CHN2: variants seen among roughly 807,000 people sequenced by gnomAD.
CHN2 encodes the protein beta-chimaerin.
Under a neutral mutation model 56.3 loss-of-function variants are expected in CHN2, and 35 were observed. The observed-to-expected ratio is 0.62, with a 90% CI of 0.47 to 0.82. The LOEUF (loss-of-function observed/expected upper bound fraction) is 0.82, where lower values mean the gene tolerates loss of function less well. Ranked by LOEUF, CHN2 falls within the 40% of genes least tolerant of loss-of-function variation. The pLI, the probability that CHN2 is intolerant of heterozygous loss-of-function variation, is 0.00. For missense variants in CHN2, 491 were observed against 580.5 expected (o/e 0.85, Z 1.58); for synonymous variants, 210 against 212.8 (o/e 0.99, Z 0.12).
intron 1 of CHN2, among the ~76,000 whole-genome samples, chr7:29,297,963 C>T (rs532838736): frequency 2.6e-5 from 4 of 152,262 alleles, no homozygotes; most frequent in African/African-American, 9.6e-5. Context: ...GCAGGAGTCC[C>T]TAGTTCCCTT....
chr7:29,503,277 G>C (rs1037463502), intron 9 of CHN2, among the ~76,000 whole-genome samples: 2 of 152,208 alleles, frequency 1.3e-5, no homozygotes, highest in African/African-American at 4.8e-5. Context: ...ACCAAGGAAA[G>C]GACGTGTGAG....
At chr7:29,380,135 C>T (rs187185546) in intron 3 of CHN2, among the ~76,000 whole-genome samples, 3 of 152,254 alleles carry the variant, frequency 2.0e-5, no homozygotes, top group Admixed American at 6.5e-5. Flanking sequence ...CTGCAGCTTC[C>T]TTGTCTATAA....
chr7:29,500,151 C>T (rs1789798242), intron 9 of CHN2, 111 bp downstream of exon 9: 2 of 780,394 alleles, frequency 2.6e-6, no homozygotes. Context: ...GGAAAATGAC[C>T]TACGCATGTG....
chr7:29,351,936 A>G (rs1310238965), intron 1 of CHN2, among the ~76,000 whole-genome samples: 1 of 152,216 alleles, frequency 6.6e-6, no homozygotes, highest in Non-Finnish European at 1.5e-5. Context: ...TGTTGCCAAC[A>G]AGGAGCATCT....
In CHN2 at chr7:29,481,619, A is replaced by C. The variant is rs554883166; in HGVS notation, c.654+1263A>C. On this transcript the variant is annotated intron_variant, in intron 7 of 12. Coordinates refer to ENST00000222792, the MANE Select transcript of CHN2 (RefSeq NM_004067.4). Reference sequence around the variant, plus strand: ...GCTTTTCATATTTCTCCCGTCACTGAATATTGACAGGTCTAATTTGGAGCA... The same window carrying C: ...GCTTTTCATATTTCTCCCGTCACTGCATATTGACAGGTCTAATTTGGAGCA... Among the ~76,000 whole-genome samples the C allele has an allele frequency of 5.3e-5, 8 of 150,536 alleles. No homozygotes were observed. In the South Asian group the frequency reaches 1.7e-3, roughly 32 times the overall value.
intron 6 of CHN2, among the ~76,000 whole-genome samples, chr7:29,414,045 T>C (rs1269972234): frequency 2.0e-5 from 3 of 152,168 alleles, no homozygotes; most frequent in African/African-American, 7.2e-5. Flanking sequence ...TTGAGCTATA[T>C]GAATTTGAAA....
At chr7:29,395,648 G>T (rs1474049132) in intron 4 of CHN2, among the ~76,000 whole-genome samples, 1 of 152,174 alleles carries the variant, frequency 6.6e-6, no homozygotes, top group East Asian at 1.9e-4. Flanking sequence ...TCTGGTCTTT[G>T]TGCATGCTTG....
intron 5 of CHN2, among the ~76,000 whole-genome samples, chr7:29,400,063 C>A (rs147464018): frequency 1.3e-5 from 2 of 152,078 alleles, no homozygotes; most frequent in African/African-American, 4.8e-5. Context: ...GGTAAAGATG[C>A]GTTAACAAGG....
chr7:29,449,785 G>A (rs1354520015), intron 6 of CHN2, among the ~76,000 whole-genome samples: 1 of 152,204 alleles, frequency 6.6e-6, no homozygotes, highest in Non-Finnish European at 1.5e-5. Context: ...AGAAGGCAGG[G>A]GTACAGATGT....
chr7:29,391,583 CAGA>C (rs1327131216), intron 3 of CHN2, among the ~76,000 whole-genome samples: 1 of 152,148 alleles, frequency 6.6e-6, no homozygotes, highest in African/African-American at 2.4e-5. Context: ...TTTTCATTTT[CAGA>C]AGATTTGTCC....
At chr7:29,217,863 G>T (rs1057476122) in intron 1 of CHN2, among the ~76,000 whole-genome samples, 1 of 152,166 alleles carries the variant, frequency 6.6e-6, no homozygotes, top group African/African-American at 2.4e-5. Context: ...ATGCTTATGC[G>T]CAAAGACATG....
At chr7:29,435,400 C>T (rs1783144541) in intron 6 of CHN2, among the ~76,000 whole-genome samples, 1 of 152,168 alleles carries the variant, frequency 6.6e-6, no homozygotes, top group African/African-American at 2.4e-5. Flanking sequence ...GGGATTCATT[C>T]TGAGAAGTGT....
intron 1 of CHN2, among the ~76,000 whole-genome samples, chr7:29,203,535 T>C (rs1784312382): frequency 2.0e-5 from 3 of 151,912 alleles, no homozygotes; most frequent in Non-Finnish European, 4.4e-5. Flanking sequence ...AAATTAATTT[T>C]ACCTGTTTTT....
chr7:29,157,997 C>T (rs577422560), intron 2 of CHN2, among the ~76,000 whole-genome samples: 12 of 152,084 alleles, frequency 7.9e-5, no homozygotes, highest in East Asian at 3.9e-4. Context: ...CAAAGAGAAA[C>T]GGAAGGAAGT....
intron 10 of CHN2, among the ~76,000 whole-genome samples, chr7:29,505,814 G>A (rs1321617843): frequency 2.6e-5 from 4 of 152,232 alleles, no homozygotes; most frequent in Non-Finnish European, 4.4e-5. Context: ...AACTAGAACT[G>A]TTGGTTGGCA....
chr7:29,372,331 C>T (rs10256547), intron 3 of CHN2, among the ~76,000 whole-genome samples: 3,557 of 152,244 alleles, frequency 0.023, 137 homozygotes, highest in African/African-American at 0.08. Context: ...TCAAATTTCA[C>T]GTAATAAGAG....
chr7:29,227,509 A>G (rs2128797774), intron 1 of CHN2, among the ~76,000 whole-genome samples: 1 of 152,316 alleles, frequency 6.6e-6, no homozygotes, highest in South Asian at 2.1e-4. Flanking sequence ...GAGGTGGCTC[A>G]TGACCAGCTT....
At chr7:29,368,044 A>C in intron 3 of CHN2, 57 bp downstream of exon 3, 2 of 1,444,168 alleles carry the variant, frequency 1.4e-6, no homozygotes, top group Non-Finnish European at 1.9e-6. Flanking sequence ...TGTCAGCACT[A>C]TGTAGAGAGT....
chr7:29,252,578 G>GTTGTTTTTTTTTTTT (rs1788664962), intron 1 of CHN2, among the ~76,000 whole-genome samples: 1 of 19,488 alleles, frequency 5.1e-5, no homozygotes, highest in African/African-American at 3.1e-4. Flanking sequence ...TGCATTCTTT[G>GTTGTTTTTTTTTTTT]TTTTTTTTTT....
Sources: allele counts gnomAD v4.1 joint callset (sites outside exome capture counted in the v4.1 genomes callset), GRCh38; gene constraint gnomAD v4.1.1; transcripts MANE v1.5; gene names NCBI Gene and HGNC (gene_info 2026-07-23, HGNC 2026-07-21).